The following SLC24A4 variants were observed in gnomAD, a reference collection of about 807,000 sequenced individuals.
SLC24A4 encodes sodium/potassium/calcium exchanger 4.
SLC24A4 carries 53 observed loss-of-function variants against 79.0 expected under a neutral mutation model. That is an observed-to-expected ratio of 0.67 (90% CI 0.54 to 0.84). The LOEUF (loss-of-function observed/expected upper bound fraction) is 0.84. Among genes scored for constraint, SLC24A4 ranks in the 40% least tolerant of loss-of-function variants. SLC24A4 has a pLI of 0.00. For missense variants in SLC24A4, 731 were observed against 822.0 expected (o/e 0.89, Z 1.35); for synonymous variants, 323 against 323.8 (o/e 1.00, Z 0.03).
chr14:92,400,810 T>C (rs1264039864), intron 2 of SLC24A4, among the ~76,000 whole-genome samples: 1 of 152,178 alleles, frequency 6.6e-6, no homozygotes, highest in Non-Finnish European at 1.5e-5. Context: ...TCTGTAAGCA[T>C]TGGTGTTTTG....
intron 2 of SLC24A4, among the ~76,000 whole-genome samples, chr14:92,364,664 C>A (rs560326805): frequency 2.5e-4 from 38 of 152,284 alleles, no homozygotes; most frequent in Non-Finnish European, 4.7e-4. Flanking sequence ...CCTCTGCCTG[C>A]TGCACTCATC....
At chr14:92,343,701 C>CTTCCTTCCTTCG (rs1566700428) in intron 2 of SLC24A4, among the ~76,000 whole-genome samples, 1 of 138,058 alleles carries the variant, frequency 7.2e-6, no homozygotes. Flanking sequence ...TCCTTCCTTC[C>CTTCCTTCCTTCG]TTTCTTTCTT....
chr14:92,325,505 A>T (rs762829009), intron 1 of SLC24A4, among the ~76,000 whole-genome samples: 4 of 152,220 alleles, frequency 2.6e-5, no homozygotes, highest in Non-Finnish European at 5.9e-5. Flanking sequence ...CTTGCTATTC[A>T]TTCGTGAAGT....
chr14:92,493,947 T>G lies in SLC24A4; in HGVS notation c.*319T>G. ...CCTGCACACTTTAGTCAGAAGGACT[T>G]CTGCATGCAGTTTGTCTTTCTGTTC... On this transcript the variant is annotated 3_prime_UTR_variant, in exon 17 of 17. Coordinates refer to ENST00000532405, the MANE Select transcript of SLC24A4 (RefSeq NM_153646.4). 3.4e-6 allele frequency: 1 copy of G among 290,532 alleles called. No individual in the cohort carries two copies. Among genetic ancestry groups the G allele is most frequent in the South Asian group, 6.4e-5 (1 of 15,706 alleles). The allele number at this position is 290,532 out of a possible 1,614,324, so 18.0% of individuals were successfully genotyped here.
In SLC24A4 at chr14:92,468,892, C is replaced by CTGTGTG. The variant is rs57575129; in HGVS notation, c.1255+12322_1255+12327dup. On this transcript the variant is annotated intron_variant, in intron 12 of 16. Transcript: ENST00000532405. ...GAGAAAACATTTGCAAATCATGTAT[C>CTGTGTG]TGTGTGTGTGTGTGTGTGTGTGTGT... is the stretch of plus-strand genomic sequence containing the variant. Among the ~76,000 whole-genome samples the CTGTGTG allele has an allele frequency of 2.9e-4, 24 of 81,476 alleles. No homozygotes were observed. In the East Asian group the frequency reaches 3.2e-3, roughly 11 times the overall value. 53.5% of individuals were successfully genotyped at this position (81,476 alleles called of 152,430 possible). A position where few individuals can be genotyped will look rare whatever the true frequency, so the allele number is the denominator to read the frequency against.
rs995247825 is a variant in SLC24A4 at position 92,496,768 on chromosome 14, G to A, written c.*3140G>A. On this transcript the variant is annotated 3_prime_UTR_variant, in exon 17 of 17. Coordinates refer to ENST00000532405, the MANE Select transcript of SLC24A4 (RefSeq NM_153646.4). ...CATGCCTCTTCCCCTTGTCACTTGT[G>A]TCTCCTCCTTATGCACAGAGCTGCC... 6.6e-6 allele frequency: 1 copy of A among 152,008 alleles called. No individual in the cohort carries two copies. The highest frequency in any genetic ancestry group is 1.5e-5 in the Non-Finnish European group (1 of 68,070). The allele number at this position is 152,008 out of a possible 1,614,324, so 9.4% of individuals were successfully genotyped here.
chr14:92,343,277 A>G (rs889833640), intron 2 of SLC24A4, among the ~76,000 whole-genome samples: 5 of 152,206 alleles, frequency 3.3e-5, no homozygotes, highest in Non-Finnish European at 7.3e-5. Flanking sequence ...CTCTTCTGTA[A>G]TCATATCCTA....
chr14:92,377,057 C>T (rs529591984), intron 2 of SLC24A4, among the ~76,000 whole-genome samples: 5 of 152,196 alleles, frequency 3.3e-5, no homozygotes, highest in Non-Finnish European at 7.4e-5. Flanking sequence ...CCAGTTATCC[C>T]AGTAGCCTGG....
At chr14:92,430,804 C>T (rs529381982) in intron 2 of SLC24A4, among the ~76,000 whole-genome samples, 1 of 152,336 alleles carries the variant, frequency 6.6e-6, no homozygotes, top group South Asian at 2.1e-4. Flanking sequence ...TACATCTCTC[C>T]CTTCCCTCCT....
chr14:92,455,674 A>T (rs934675325), intron 11 of SLC24A4, among the ~76,000 whole-genome samples: 1 of 152,064 alleles, frequency 6.6e-6, no homozygotes, highest in Admixed American at 6.5e-5. Flanking sequence ...AATGTTATAC[A>T]TCTTGATGTA....
Position 92,325,988 on chromosome 14 carries a change from C to A in SLC24A4, c.241+10C>A. The A allele has an allele frequency of 6.4e-7, 1 of 1,568,688 alleles. No individual in the cohort carries two copies. Among genetic ancestry groups the A allele is most frequent in the Non-Finnish European group, 8.8e-7 (1 of 1,141,060 alleles). On this transcript the variant is annotated intron_variant, in intron 2 of 16. Transcript: ENST00000532405. Reference sequence around the variant, plus strand: ...AACTGCACAGATCCTGGTAAGAAATCAATTCTTCTCCACTCAGTCTACTAA... The same window carrying A: ...AACTGCACAGATCCTGGTAAGAAATAAATTCTTCTCCACTCAGTCTACTAA...
chr14:92,325,487 C>A (rs1179457931), intron 1 of SLC24A4, among the ~76,000 whole-genome samples: 1 of 152,222 alleles, frequency 6.6e-6, no homozygotes, highest in Non-Finnish European at 1.5e-5. Context: ...TGCCCACCTG[C>A]TTGCTGACTT....
Position 92,492,246 on chromosome 14 carries a change from T to A in SLC24A4, c.1716+6T>A. ...TGGGCTCTGTCGCTCTCACCGTGAG[T>A]CTTTACAATTCCAAAACAGATGCCT... On this transcript the variant is annotated splice_donor_region_variant and intron_variant, in intron 16 of 16. Coordinates refer to ENST00000532405, the MANE Select transcript of SLC24A4 (RefSeq NM_153646.4). 6.2e-7 allele frequency: 1 copy of A among 1,613,608 alleles called. No individual in the cohort carries two copies.
intron 2 of SLC24A4, among the ~76,000 whole-genome samples, chr14:92,342,363 C>CATTAATTAATTAATTAATTT (rs377654077): frequency 3.8e-4 from 52 of 137,924 alleles, no homozygotes; most frequent in African/African-American, 1.2e-3. Context: ...TTTTTTTCCC[C>CATTAATTAATTAATTAATTT]ATTTATTTAT....
At chr14:92,406,699 TG>T (rs979592193) in intron 2 of SLC24A4, among the ~76,000 whole-genome samples, 2 of 152,162 alleles carry the variant, frequency 1.3e-5, no homozygotes, top group Non-Finnish European at 2.9e-5. Context: ...CTGGAGCTGC[TG>T]GGACTCTGGG....
chr14:92,419,020 G>A (rs897962247), intron 2 of SLC24A4, among the ~76,000 whole-genome samples: 1 of 152,040 alleles, frequency 6.6e-6, no homozygotes, highest in Non-Finnish European at 1.5e-5. Context: ...TGTTCTTTAG[G>A]CCTTCAACTG....
intron 2 of SLC24A4, among the ~76,000 whole-genome samples, chr14:92,396,115 C>T (rs1202643344): frequency 6.6e-6 from 1 of 152,238 alleles, no homozygotes; most frequent in African/African-American, 2.4e-5. Context: ...TGAGCCATCG[C>T]GCCTCACCAG....
intron 2 of SLC24A4, among the ~76,000 whole-genome samples, chr14:92,405,480 G>T (rs61975656): frequency 1.3e-5 from 2 of 152,130 alleles, no homozygotes; most frequent in Non-Finnish European, 2.9e-5. Flanking sequence ...TTTGCAGGGT[G>T]TATTAGTCTA....
intron 10 of SLC24A4, 65 bp downstream of exon 10, chr14:92,449,281 TACAC>T (rs36228701): frequency 0.12 from 104,339 of 858,516 alleles, 2,729 homozygotes; most frequent in East Asian, 0.28. Flanking sequence ...CTCTTTTGTG[TACAC>T]ACACACACAC....
Sources: allele counts gnomAD v4.1 joint callset (sites outside exome capture counted in the v4.1 genomes callset), GRCh38; gene constraint gnomAD v4.1.1; transcripts MANE v1.5; gene names NCBI Gene and HGNC (gene_info 2026-07-23, HGNC 2026-07-21).